The following ARSB variants were observed in gnomAD, a reference collection of about 807,000 sequenced individuals.
ARSB encodes arylsulfatase B.
ARSB carries 41 observed loss-of-function variants against 50.9 expected under a neutral mutation model. The ratio of observed to expected loss-of-function variants is 0.81; its 90% CI spans 0.63 to 1.04. ARSB has a LOEUF of 1.04. Among genes scored for constraint, ARSB ranks in the 50% least tolerant of loss-of-function variants. The pLI is 0.00. For synonymous variants in ARSB, 269 were observed against 284.8 expected (o/e 0.94, Z 0.56); for missense variants, 672 against 693.3 (o/e 0.97, Z 0.35).
rs551437917 is a variant in ARSB, at chr5:78,862,950, T to G, written c.1142+22634A>C. 9.2e-4 allele frequency among the ~76,000 whole-genome samples: 140 copies of G among 152,276 alleles called. 1 individual carries two copies. The highest frequency in any genetic ancestry group is 3.3e-3 in the African/African-American group (137 of 41,562). ...CCCATCAAAAGGTGGGCAAAGGATA[T>G]GAACAGACACTTCTCAAAAGAAGAC... On this transcript the variant is annotated intron_variant, in intron 5 of 7. Coordinates refer to ENST00000264914, the MANE Select transcript of ARSB (RefSeq NM_000046.5).
At chr5:78,818,704 G>T (rs1328682591) in intron 6 of ARSB, among the ~76,000 whole-genome samples, 1 of 130,510 alleles carries the variant, frequency 7.7e-6, no homozygotes, top group African/African-American at 2.8e-5. Context: ...TGCAAGCTCC[G>T]CCTCCTGGGT....
At chr5:78,828,466 T>C (rs1055626789) in intron 6 of ARSB, among the ~76,000 whole-genome samples, 20 of 152,202 alleles carry the variant, frequency 1.3e-4, no homozygotes, top group African/African-American at 4.8e-4. Flanking sequence ...TGATGGTCTT[T>C]TCCACCTAGG....
intron 6 of ARSB, among the ~76,000 whole-genome samples, chr5:78,791,509 A>G (rs1401519441): frequency 6.6e-6 from 1 of 152,218 alleles, no homozygotes; most frequent in Non-Finnish European, 1.5e-5. Flanking sequence ...CCAGCTAGTC[A>G]GAGACCCAGA....
chr5:78,957,453 A>C (rs1430070492), intron 3 of ARSB, among the ~76,000 whole-genome samples: 1 of 152,200 alleles, frequency 6.6e-6, no homozygotes, highest in East Asian at 1.9e-4. Flanking sequence ...GTTTTCCCTA[A>C]ACTCACAAAG....
chr5:78,827,106 T>G (rs1055506393), intron 6 of ARSB, among the ~76,000 whole-genome samples: 1 of 152,198 alleles, frequency 6.6e-6, no homozygotes, highest in African/African-American at 2.4e-5. Flanking sequence ...AGAGCCCACC[T>G]AGACATGATT....
intron 4 of ARSB, among the ~76,000 whole-genome samples, chr5:78,906,425 G>A (rs1426282935): frequency 3.9e-5 from 6 of 152,172 alleles, no homozygotes; most frequent in Non-Finnish European, 8.8e-5. Context: ...GTTAGAAGTA[G>A]GAGGTTTCTC....
intron 4 of ARSB, among the ~76,000 whole-genome samples, chr5:78,907,913 C>T (rs1261446285): frequency 6.6e-6 from 1 of 152,056 alleles, no homozygotes; most frequent in African/African-American, 2.4e-5. Flanking sequence ...AGTTTTGAGC[C>T]CATCAGTTAC....
chr5:78,791,077 G>A (rs533871598), intron 6 of ARSB, among the ~76,000 whole-genome samples: 8 of 152,042 alleles, frequency 5.3e-5, no homozygotes, highest in South Asian at 4.2e-4. Context: ...TTCATTCTTC[G>A]CCAATAACCC....
intron 4 of ARSB, 120 bp from the exon 5 acceptor site, chr5:78,885,947 C>T: frequency 1.3e-6 from 2 of 1,517,468 alleles, no homozygotes; most frequent in South Asian, 2.3e-5. Context: ...AAGAAAATTC[C>T]TTGCCTTTTC....
intron 4 of ARSB, among the ~76,000 whole-genome samples, chr5:78,951,109 C>T (rs1054449835): frequency 2.0e-5 from 3 of 152,076 alleles, no homozygotes; most frequent in Admixed American, 1.3e-4. Context: ...TTTCTTTAAG[C>T]GGCTCACACT....
intron 6 of ARSB, among the ~76,000 whole-genome samples, chr5:78,814,414 C>G (rs1423709464): frequency 6.6e-6 from 1 of 151,006 alleles, no homozygotes; most frequent in Non-Finnish European, 1.5e-5. Context: ...AAAGGATCAT[C>G]ATGAAGCCAA....
intron 2 of ARSB, among the ~76,000 whole-genome samples, chr5:78,966,926 TAAA>T (rs35103058): frequency 1.1e-4 from 15 of 141,798 alleles, no homozygotes; most frequent in Admixed American, 2.1e-4. Context: ...CGGGTCCATT[TAAA>T]AAAAAAAAAA....
At chr5:78,813,818 A>T (rs1743899608) in intron 6 of ARSB, among the ~76,000 whole-genome samples, 1 of 152,134 alleles carries the variant, frequency 6.6e-6, no homozygotes, top group African/African-American at 2.4e-5. Context: ...GTACTATAAA[A>T]ATCTCTTCTC....
At position 78,816,381 on chromosome 5, in the gene ARSB, C is replaced by T. The variant is rs527577210; in HGVS notation, c.1213+22975G>A. Among the ~76,000 whole-genome samples the T allele has an allele frequency of 3.3e-5, 5 of 152,240 alleles. No individual in the cohort carries two copies. The East Asian group carries it at 5.8e-4, about 18-fold the overall frequency. ...CAAAAGTCCTTCTCTGTTTGGCTCC[C>T]GGAGAATATTTCCCTTCTGTGTGTC... On this transcript the variant is annotated intron_variant, in intron 6 of 7. Transcript: ENST00000264914.
At chr5:78,907,766 T>C (rs1005008406) in intron 4 of ARSB, among the ~76,000 whole-genome samples, 2 of 152,192 alleles carry the variant, frequency 1.3e-5, no homozygotes, top group African/African-American at 4.8e-5. Context: ...CCAAGTCCAT[T>C]GTGAAGTTTC....
At chr5:78,956,263 C>T (rs1191952804) in intron 3 of ARSB, among the ~76,000 whole-genome samples, 2 of 152,028 alleles carry the variant, frequency 1.3e-5, no homozygotes, top group East Asian at 1.9e-4. Flanking sequence ...ATCAGTCAAT[C>T]GTAAAAGTCC....
chr5:78,971,555 G>C (rs1216741141), intron 1 of ARSB, among the ~76,000 whole-genome samples: 1 of 152,156 alleles, frequency 6.6e-6, no homozygotes, highest in Non-Finnish European at 1.5e-5. Context: ...ATTTAAAGTG[G>C]AATAGCATAA....
chr5:78,962,524 AT>A (rs10683109), intron 3 of ARSB, among the ~76,000 whole-genome samples: 22,396 of 105,530 alleles, frequency 0.21, 1,568 homozygotes, highest in Admixed American at 0.28. Flanking sequence ...CATGTGCTCG[AT>A]TTTTTTTTTT....
At chr5:78,882,938 C>T (rs753543153) in intron 5 of ARSB, 1 of 152,092 alleles carries the variant, frequency 6.6e-6, no homozygotes, top group African/African-American at 2.4e-5. Flanking sequence ...TGCCCACCAC[C>T]ACACCCGGCT....
Sources: allele counts gnomAD v4.1 joint callset (sites outside exome capture counted in the v4.1 genomes callset), GRCh38; gene constraint gnomAD v4.1.1; transcripts MANE v1.5; gene names NCBI Gene and HGNC (gene_info 2026-07-23, HGNC 2026-07-21).